Variants in NPAT observed in about 807,000 individuals in gnomAD.
NPAT encodes the protein protein NPAT.
In NPAT, 52 loss-of-function variants were observed where a neutral mutation model predicts 130.7. The observed-to-expected ratio is 0.40, with a 90% CI of 0.32 to 0.50. The LOEUF is 0.50. Among genes scored for constraint, NPAT ranks in the 20% least tolerant of loss-of-function variants. The pLI is 0.68. For missense variants in NPAT, 1,687 were observed against 1,662.6 expected (o/e 1.01, Z -0.26); for synonymous variants, 580 against 584.8 (o/e 0.99, Z 0.12).
At chr11:108,214,598 T>C (rs2134901173) in intron 1 of NPAT, among the ~76,000 whole-genome samples, 1 of 152,058 alleles carries the variant, frequency 6.6e-6, no homozygotes, top group South Asian at 2.1e-4. Context: ...TTGTAGTATG[T>C]GCATCATATC....
intron 1 of NPAT, 117 bp downstream of exon 1, chr11:108,222,383 G>T (rs1591428356): frequency 1.8e-6 from 2 of 1,091,304 alleles, no homozygotes; most frequent in Admixed American, 2.0e-5. Flanking sequence ...GTCTCAACTC[G>T]TAAGCTGGGA....
chr11:108,162,243 G>C, intron 15 of NPAT, 63 bp from the exon 16 acceptor site: 2 of 1,432,660 alleles, frequency 1.4e-6, no homozygotes, highest in Non-Finnish European at 2.0e-6. Context: ...GGATAGAACA[G>C]ATGACAATTA....
chr11:108,160,052 G>A (rs2077830563), intron 17 of NPAT, among the ~76,000 whole-genome samples: 2 of 151,728 alleles, frequency 1.3e-5, no homozygotes, highest in South Asian at 2.1e-4. Flanking sequence ...TCAGGGGGCT[G>A]AGGCAGGGAA....
chr11:108,169,359 A>T (rs955869033), intron 15 of NPAT, among the ~76,000 whole-genome samples: 4 of 152,216 alleles, frequency 2.6e-5, no homozygotes, highest in Non-Finnish European at 5.9e-5. Context: ...CAGTACCTGC[A>T]TTTAACAAAA....
chr11:108,161,893 A>T lies in NPAT; in HGVS notation c.3193T>A (p.Cys1065Ser). ...AAKPCHRRVL[C>S]FDSTTAPVAN... ...ACAGGAGCAGTAGTGCTGTCGAAAC[A>T]GAGTACACGTCTGTGGCATGGTTTA... The change falls in exon 17 of 18, where the codon TGT becomes AGT. Residue 1065 changes from cysteine to serine, a missense_variant. Coordinates refer to ENST00000278612, the MANE Select transcript of NPAT (RefSeq NM_002519.3). 6.2e-7 allele frequency: 1 copy of T among 1,613,950 alleles called. No individual in the cohort carries two copies. The highest frequency in any genetic ancestry group is 8.5e-7 in the Non-Finnish European group (1 of 1,179,906).
chr11:108,205,772 G>A (rs2078319686), intron 1 of NPAT, among the ~76,000 whole-genome samples: 1 of 152,204 alleles, frequency 6.6e-6, no homozygotes, highest in Non-Finnish European at 1.5e-5. Context: ...GTTAGGTGCA[G>A]TGGCTCATGC....
rs1373958359 is a variant in NPAT, at chr11:108,186,452, T to A, written c.726+30A>T. ...TGTATTTTTAAACTCAGGAATATTTTAAGTTGCAAAGTTTGGCAGAGTCAC... is the reference window on the plus strand; with the variant it reads ...TGTATTTTTAAACTCAGGAATATTTAAAGTTGCAAAGTTTGGCAGAGTCAC... On this transcript the variant is annotated intron_variant, in intron 8 of 17. Coordinates refer to ENST00000278612, the MANE Select transcript of NPAT (RefSeq NM_002519.3). 5 of 1,546,066 alleles carry A rather than the reference T, an allele frequency of 3.2e-6. No homozygotes were observed. In the Admixed American group the frequency reaches 6.7e-5, roughly 21 times the overall value.
At chr11:108,209,298 A>T (rs141758182) in intron 1 of NPAT, among the ~76,000 whole-genome samples, 2 of 152,136 alleles carry the variant, frequency 1.3e-5, no homozygotes, top group East Asian at 3.9e-4. Context: ...ATAACTAAAT[A>T]AAATAAATAA....
At chr11:108,194,232 T>C (rs907457141) in intron 2 of NPAT, among the ~76,000 whole-genome samples, 7 of 152,198 alleles carry the variant, frequency 4.6e-5, no homozygotes, top group Admixed American at 3.3e-4. Flanking sequence ...GACTAGGACA[T>C]TATAGCTACT....
At chr11:108,198,665 C>A (rs1325249833) in intron 1 of NPAT, among the ~76,000 whole-genome samples, 1 of 152,136 alleles carries the variant, frequency 6.6e-6, no homozygotes, top group African/African-American at 2.4e-5. Context: ...TCCAGGTTCA[C>A]CCATGGACCA....
Position 108,199,306 on chromosome 11 carries a change from C to T in NPAT, c.38-1886G>A, listed in dbSNP as rs190235875. ...AATCATGGCACAACTGGACCAGCTG[C>T]GGGGCTTAATGCAGAGCTGCAGTGG... is the stretch of plus-strand genomic sequence containing the variant. On this transcript the variant is annotated intron_variant, in intron 1 of 17. Coordinates refer to ENST00000278612, the MANE Select transcript of NPAT (RefSeq NM_002519.3). 6.1e-4 allele frequency among the ~76,000 whole-genome samples: 93 copies of T among 152,280 alleles called. 1 individual carries two copies. The Middle Eastern group carries it at 0.01, about 17-fold the overall frequency.
In NPAT at chr11:108,173,718, G is replaced by T. The variant is rs371588210; in HGVS notation, c.1266C>A (p.Ser422Arg). 1.2e-6 allele frequency: 2 copies of T among 1,613,992 alleles called. No individual in the cohort carries two copies. The highest frequency in any genetic ancestry group is 1.7e-6 in the Non-Finnish European group (2 of 1,180,030). Residue 422 changes from serine to arginine, a missense_variant, in exon 13 of 18, where the codon AGC (serine) becomes AGA (arginine). This residue lies in a region of NPAT where 1,379 missense variants were observed against 1,346.6 expected (regional missense o/e 1.02). Transcript: ENST00000278612. Reference protein sequence around the residue: ...DQENFSQISTSIQKKAFKTAV... With the variant: ...DQENFSQISTRIQKKAFKTAV... ...CTGTTTTAAAGGCCTTTTTCTGTAT[G>T]CTGGTACTTATTTGGGAAAAATTTT...
chr11:108,196,154 G>T (rs1397863562), intron 2 of NPAT, among the ~76,000 whole-genome samples: 2 of 152,120 alleles, frequency 1.3e-5, no homozygotes, highest in Non-Finnish European at 2.9e-5. Context: ...AAGGTATGAG[G>T]TATTTGTAGA....
chr11:108,165,472 A>ATATATT lies in NPAT; in HGVS notation c.3011-3293_3011-3292insAATATA, dbSNP rs1555039325. 3.0e-4 allele frequency among the ~76,000 whole-genome samples: 39 copies of ATATATT among 129,760 alleles called. No individual in the cohort carries two copies. In the South Asian group the frequency reaches 7.4e-3, roughly 25 times the overall value. 85.1% of individuals were successfully genotyped at this position (129,760 alleles called of 152,430 possible). A position where few individuals can be genotyped will look rare whatever the true frequency, so the allele number is the denominator to read the frequency against. On this transcript the variant is annotated intron_variant, in intron 15 of 17. Coordinates refer to ENST00000278612, the MANE Select transcript of NPAT (RefSeq NM_002519.3). Reference sequence around the variant, plus strand: ...TGTATTTATATATATATATATATATATTTTTTTTTTGTGATAGGGTCTTGC... The same window carrying ATATATT: ...TGTATTTATATATATATATATATATATATATTTTTTTTTTTTGTGATAGGGTCTTGC...
At chr11:108,171,673 A>C (rs1480507976) in intron 13 of NPAT, 1 of 149,944 alleles carries the variant, frequency 6.7e-6, no homozygotes, top group Non-Finnish European at 1.5e-5. Flanking sequence ...TTTTAGTAGA[A>C]ATGAGGTTTC....
intron 5 of NPAT, among the ~76,000 whole-genome samples, chr11:108,189,687 G>A (rs534408153): frequency 9.2e-5 from 14 of 151,366 alleles, no homozygotes; most frequent in Non-Finnish European, 1.2e-4. Context: ...TGGCTAACAC[G>A]GTGAAACCCC....
intron 1 of NPAT, among the ~76,000 whole-genome samples, chr11:108,202,142 T>C (rs1350134018): frequency 1.3e-5 from 2 of 152,194 alleles, no homozygotes; most frequent in African/African-American, 2.4e-5. Context: ...TATACTTTCC[T>C]AGTCCTCCCT....
chr11:108,194,766 C>T (rs950576385), intron 2 of NPAT, among the ~76,000 whole-genome samples: 3 of 152,154 alleles, frequency 2.0e-5, no homozygotes, highest in African/African-American at 7.2e-5. Context: ...GTTCCTACCT[C>T]AGCCTCCCAC....
chr11:108,202,751 G>A (rs2078286154), intron 1 of NPAT, among the ~76,000 whole-genome samples: 1 of 152,078 alleles, frequency 6.6e-6, no homozygotes, highest in South Asian at 2.1e-4. Context: ...GGGGAAGACT[G>A]GCAGATAGAT....
Sources: gnomAD v4.1 joint callset for allele counts (sites outside exome capture counted in the v4.1 genomes callset) on GRCh38, gnomAD v4.1.1 for gene constraint, gnomAD v4.1.1 regional missense constraint, MANE v1.5 for transcripts, NCBI Gene and HGNC (gene_info 2026-07-23, HGNC 2026-07-21) for gene names.